Variants in DRC8 observed in about 807,000 individuals in gnomAD.
The protein encoded by DRC8 is dynein regulatory complex subunit 8, also known as dynein regulatory complex protein 8.
At chr1:245,064,326 G>A in the DRC8 span, among the ~76,000 whole-genome samples, 1 of 152,196 alleles carries the variant, frequency 6.6e-6, no homozygotes, top group African/African-American at 2.4e-5. Flanking sequence ...TCAGTGATAA[G>A]AACTGGGCCA....
chr1:244,986,864 TGA>T, the DRC8 span, among the ~76,000 whole-genome samples: 1 of 152,254 alleles, frequency 6.6e-6, no homozygotes, highest in African/African-American at 2.4e-5. Flanking sequence ...AGAGAAGGTT[TGA>T]GAGTCAAGAG....
the DRC8 span, among the ~76,000 whole-genome samples, chr1:245,108,977 G>T: frequency 6.6e-6 from 1 of 152,206 alleles, no homozygotes; most frequent in Non-Finnish European, 1.5e-5. Context: ...GGATTCTGGT[G>T]TAGTTGTTGT....
At chr1:244,971,986 A>C in the DRC8 span, among the ~76,000 whole-genome samples, 3 of 145,328 alleles carry the variant, frequency 2.1e-5, no homozygotes, top group Non-Finnish European at 4.5e-5. Context: ...AGCCATTAGG[A>C]GATAAACTAG....
chr1:244,992,128 CAAGGA>C, the DRC8 span, among the ~76,000 whole-genome samples: 1 of 152,102 alleles, frequency 6.6e-6, no homozygotes, highest in Non-Finnish European at 1.5e-5. Context: ...ATTTTTTCAA[CAAGGA>C]AAAACTTTTC....
the DRC8 span, among the ~76,000 whole-genome samples, chr1:245,105,375 T>C: frequency 1.2e-4 from 18 of 151,994 alleles, no homozygotes; most frequent in Non-Finnish European, 2.1e-4. Flanking sequence ...CATTCCTTCT[T>C]CATTTATGCA....
chr1:244,993,224 G>A, the DRC8 span, among the ~76,000 whole-genome samples: 1 of 152,186 alleles, frequency 6.6e-6, no homozygotes, highest in South Asian at 2.1e-4. Flanking sequence ...GGTATAAATA[G>A]CAAGAGGTGA....
chr1:245,054,442 C>G, the DRC8 span, among the ~76,000 whole-genome samples: 1 of 152,166 alleles, frequency 6.6e-6, no homozygotes, highest in African/African-American at 2.4e-5. Context: ...AAAATCATAG[C>G]TGATCTCCTT....
the DRC8 span, among the ~76,000 whole-genome samples, chr1:245,005,420 G>A: frequency 1.3e-5 from 2 of 150,516 alleles, no homozygotes; most frequent in South Asian, 2.1e-4. Flanking sequence ...GTGTGATCTC[G>A]GCTCACTGTA....
chr1:245,059,057 C>T, the DRC8 span, among the ~76,000 whole-genome samples: 1 of 152,188 alleles, frequency 6.6e-6, no homozygotes, highest in Non-Finnish European at 1.5e-5. Flanking sequence ...ATTATCATCC[C>T]CATTTTACAG....
chr1:244,970,324 T>C, the DRC8 span: 42 of 1,364,456 alleles, frequency 3.1e-5, no homozygotes, highest in Non-Finnish European at 4.1e-5. Flanking sequence ...CGGCCCCTCC[T>C]CCAGGCCAGG....
chr1:245,093,804 C>T, the DRC8 span, among the ~76,000 whole-genome samples: 2 of 152,142 alleles, frequency 1.3e-5, no homozygotes, highest in East Asian at 1.9e-4. Flanking sequence ...AAATAGCACA[C>T]TATGAAAATC....
chr1:244,990,727 C>T, the DRC8 span, among the ~76,000 whole-genome samples: 1 of 152,074 alleles, frequency 6.6e-6, no homozygotes, highest in Non-Finnish European at 1.5e-5. Context: ...CCTCCGCCTC[C>T]CAGGCTCAAG....
the DRC8 span, among the ~76,000 whole-genome samples, chr1:245,053,007 C>T: frequency 1.3e-5 from 2 of 152,134 alleles, no homozygotes; most frequent in African/African-American, 4.8e-5. Flanking sequence ...ACAGATAAGT[C>T]ACATTACTTT....
At chr1:245,035,407 A>G in the DRC8 span, among the ~76,000 whole-genome samples, 1 of 152,212 alleles carries the variant, frequency 6.6e-6, no homozygotes, top group Non-Finnish European at 1.5e-5. Flanking sequence ...GAGTCTGGAA[A>G]TAAACCCTTA....
At chr1:245,061,857 G>T in the DRC8 span, among the ~76,000 whole-genome samples, 1 of 152,320 alleles carries the variant, frequency 6.6e-6, no homozygotes, top group South Asian at 2.1e-4. Context: ...TGCAATCCCA[G>T]CACTTGGGGA....
the DRC8 span, chr1:245,017,435 C>CTTT: frequency 5.4e-6 from 6 of 1,108,214 alleles, no homozygotes; most frequent in African/African-American, 1.6e-5. Context: ...TTATTATGCT[C>CTTT]TTTTAAGTAT....
the DRC8 span, among the ~76,000 whole-genome samples, chr1:244,973,586 TACC>T: frequency 6.6e-6 from 1 of 152,244 alleles, no homozygotes; most frequent in Non-Finnish European, 1.5e-5. Context: ...CCCTCTGCTT[TACC>T]GGTAAGATAC....
At chr1:245,078,964 G>C in the DRC8 span, among the ~76,000 whole-genome samples, 14 of 152,172 alleles carry the variant, frequency 9.2e-5, no homozygotes, top group African/African-American at 3.1e-4. Context: ...ACCTCAGTAA[G>C]ACTGGAAAAA....
chr1:245,083,145 G>C, the DRC8 span, among the ~76,000 whole-genome samples: 3 of 152,140 alleles, frequency 2.0e-5, no homozygotes, highest in Admixed American at 2.0e-4. Context: ...ATTACTGCCC[G>C]AACTCCGCCT....
Sources: gnomAD v4.1 joint callset for allele counts (sites outside exome capture counted in the v4.1 genomes callset) on GRCh38, gnomAD v4.1.1 for gene constraint, MANE v1.5 for transcripts, NCBI Gene and HGNC (gene_info 2026-07-23, HGNC 2026-07-21) for gene names.